Variants in ARHGAP20 observed in about 807,000 individuals in gnomAD.
The protein encoded by ARHGAP20 is Rho GTPase activating protein 20, also known as rho GTPase-activating protein 20.
A neutral mutation model predicts 73.7 loss-of-function variants in ARHGAP20; 34 were observed. The ratio of observed to expected loss-of-function variants is 0.46; its 90% confidence interval spans 0.35 to 0.61. The LOEUF is 0.61. Among genes scored for constraint, ARHGAP20 ranks in the 20% least tolerant of loss-of-function variants. The pLI is 0.00. For missense variants in ARHGAP20, 1,314 were observed against 1,420.9 expected, an observed-to-expected ratio of 0.92 and a Z score of 1.21; for synonymous variants, 523 against 518.2, an observed-to-expected ratio of 1.01 and a Z score of -0.13.
chr11:110,660,864 CT>C (rs1361042706), intron 2 of ARHGAP20, among the ~76,000 whole-genome samples: 2 of 151,876 alleles, frequency 1.3e-5, no homozygotes, highest in Non-Finnish European at 2.9e-5. Context: ...CAATGAAAAA[CT>C]TGGGCCCTGT....
chr11:110,702,974 A>T lies in ARHGAP20; in HGVS notation c.105+9153T>A, dbSNP rs574142900. Among the ~76,000 whole-genome samples the T allele has an allele frequency of 2.6e-5, 4 of 152,296 alleles. No homozygotes were observed. The South Asian group carries it at 8.3e-4, about 32-fold the overall frequency. Reference sequence around the variant, plus strand: ...GCCATACTGCCCAAGGTAATTATAGATTCAATGCCATCCCCATCAAGCTAC... The same window carrying T: ...GCCATACTGCCCAAGGTAATTATAGTTTCAATGCCATCCCCATCAAGCTAC... On this transcript the variant is annotated intron_variant, in intron 1 of 14. Coordinates refer to ENST00000683387, the MANE Select transcript of ARHGAP20 (RefSeq NM_001384657.1).
intron 2 of ARHGAP20, among the ~76,000 whole-genome samples, chr11:110,657,709 A>G (rs998078397): frequency 2.0e-5 from 3 of 152,112 alleles, no homozygotes; most frequent in Non-Finnish European, 4.4e-5. Flanking sequence ...AGCCTGGCCA[A>G]CATGGCAAAA....
intron 4 of ARHGAP20, among the ~76,000 whole-genome samples, chr11:110,621,268 C>T (rs1311329928): frequency 1.3e-5 from 2 of 151,952 alleles, no homozygotes; most frequent in East Asian, 3.9e-4. Context: ...TCTTAATAGT[C>T]ACACTGTCTA....
chr11:110,702,933 C>T (rs923962422), intron 1 of ARHGAP20, among the ~76,000 whole-genome samples: 4 of 152,142 alleles, frequency 2.6e-5, no homozygotes, highest in Non-Finnish European at 2.9e-5. Context: ...TAGGAAGAAT[C>T]AATATCATGA....
At chr11:110,615,077 G>A (rs1479519128) in intron 5 of ARHGAP20, among the ~76,000 whole-genome samples, 1 of 152,104 alleles carries the variant, frequency 6.6e-6, no homozygotes, top group Non-Finnish European at 1.5e-5. Context: ...GCGTGGAGAG[G>A]GAGAGAGGAC....
At chr11:110,627,518 A>T (rs1824755048) in intron 3 of ARHGAP20, among the ~76,000 whole-genome samples, 1 of 152,196 alleles carries the variant, frequency 6.6e-6, no homozygotes, top group African/African-American at 2.4e-5. Context: ...AATACACAGG[A>T]TTCCAGGGAG....
intron 7 of ARHGAP20, among the ~76,000 whole-genome samples, chr11:110,610,567 G>A (rs982869178): frequency 1.3e-5 from 2 of 152,010 alleles, no homozygotes; most frequent in Admixed American, 1.3e-4. Context: ...TCATTGTGTG[G>A]TGTTTATACA....
At chr11:110,682,299 T>C (rs565236195) in intron 2 of ARHGAP20, among the ~76,000 whole-genome samples, 31 of 152,316 alleles carry the variant, frequency 2.0e-4, no homozygotes, top group African/African-American at 7.5e-4. Flanking sequence ...GCACTGATTA[T>C]GTACTAGAGA....
At chr11:110,636,174 C>G (rs1399703310) in intron 2 of ARHGAP20, among the ~76,000 whole-genome samples, 1 of 152,028 alleles carries the variant, frequency 6.6e-6, no homozygotes, top group Non-Finnish European at 1.5e-5. Flanking sequence ...GTGGGCCATG[C>G]CATTTCTGTC....
chr11:110,630,639 C>G lies in ARHGAP20; in HGVS notation c.342G>C (p.Val114=), dbSNP rs1442118097. Reference sequence around the variant, plus strand: ...TATAGTATACATACTTGATTTTGGCCACAACAAACAGATCATTGAATAGGA... The same window carrying G: ...TATAGTATACATACTTGATTTTGGCGACAACAAACAGATCATTGAATAGGA... ...HLFLFNDLFV[V]AKIKYNNNFK... The change falls in exon 3 of 15, where the codon GTG becomes GTC. Residue 114 remains valine, a synonymous_variant. Transcript: ENST00000683387. 2 of 1,613,566 alleles carry G rather than the reference C, an allele frequency of 1.2e-6. No homozygotes were observed. The highest frequency in any genetic ancestry group is 2.7e-5 in the African/African-American group (2 of 74,852).
At chr11:110,588,129 C>T (rs2134814667) in intron 11 of ARHGAP20, among the ~76,000 whole-genome samples, 1 of 152,290 alleles carries the variant, frequency 6.6e-6, no homozygotes, top group East Asian at 1.9e-4. Context: ...TCAATGAACT[C>T]TCCCACAGCT....
chr11:110,630,701 G>A lies in ARHGAP20; in HGVS notation c.280C>T (p.Leu94Phe), dbSNP rs147369246. 33 of 1,614,002 alleles carry A rather than the reference G, an allele frequency of 2.0e-5. No homozygotes were observed. Among genetic ancestry groups the A allele is most frequent in the Non-Finnish European group, 2.8e-5 (33 of 1,179,996 alleles). The part of the protein sequence containing the change: ...RTLLIDGRAE[L>F]KRGLQRQERH... ...TCCTGCCTCTGGAGGCCTCTTTTGA[G>A]TTCTGCCCGGCCATCAATCAGCAGA... Residue 94 changes from leucine to phenylalanine, a missense_variant, in exon 3 of 15, where the codon CTC becomes TTC. This residue lies in a region of ARHGAP20 where 443 missense variants were observed against 466.4 expected (regional missense o/e 0.95). Transcript: ENST00000683387.
intron 2 of ARHGAP20, among the ~76,000 whole-genome samples, chr11:110,647,650 T>A (rs1000374905): frequency 6.6e-6 from 1 of 152,054 alleles, no homozygotes; most frequent in East Asian, 1.9e-4. Context: ...TGGAAAAAAA[T>A]TTGTTAAAAA....
intron 2 of ARHGAP20, among the ~76,000 whole-genome samples, chr11:110,685,212 T>C (rs1191614266): frequency 6.6e-6 from 1 of 152,122 alleles, no homozygotes; most frequent in Non-Finnish European, 1.5e-5. Context: ...GTTTAACAAA[T>C]AACATATTTC....
At chr11:110,680,984 T>C (rs527951742) in intron 2 of ARHGAP20, among the ~76,000 whole-genome samples, 108 of 152,284 alleles carry the variant, frequency 7.1e-4, no homozygotes, top group African/African-American at 2.3e-3. Flanking sequence ...AAATGTTCCT[T>C]GCAAGGAAAA....
At chr11:110,622,328 A>C (rs991284536) in intron 4 of ARHGAP20, among the ~76,000 whole-genome samples, 1 of 152,124 alleles carries the variant, frequency 6.6e-6, no homozygotes, top group East Asian at 1.9e-4. Context: ...ATTCCTCAAC[A>C]CTTCACTTTT....
intron 2 of ARHGAP20, among the ~76,000 whole-genome samples, chr11:110,632,817 GT>G (rs1948886713): frequency 6.6e-6 from 1 of 151,954 alleles, no homozygotes; most frequent in Non-Finnish European, 1.5e-5. Flanking sequence ...ATTTAAAACA[GT>G]TTGGGTTATG....
chr11:110,596,705 A>G (rs1424210934), intron 9 of ARHGAP20, among the ~76,000 whole-genome samples: 2 of 152,190 alleles, frequency 1.3e-5, no homozygotes, highest in Non-Finnish European at 2.9e-5. Context: ...ACTGTAAACT[A>G]GTTCAACCAT....
At chr11:110,606,125 T>C (rs1948222700) in intron 9 of ARHGAP20, among the ~76,000 whole-genome samples, 1 of 152,240 alleles carries the variant, frequency 6.6e-6, no homozygotes, top group South Asian at 2.1e-4. Flanking sequence ...AGAAATCATC[T>C]TAGTCTTCAC....
Sources: allele counts gnomAD v4.1 joint callset (sites outside exome capture counted in the v4.1 genomes callset), GRCh38; gene constraint gnomAD v4.1.1; regional missense constraint gnomAD v4.1.1; transcripts MANE v1.5; gene names NCBI Gene and HGNC (gene_info 2026-07-23, HGNC 2026-07-21).